Variants in RIC8B observed in about 807,000 individuals in gnomAD.
RIC8B encodes the protein RIC8 guanine nucleotide exchange factor B, also known as chaperone Ric-8B.
Under a neutral mutation model 57.5 loss-of-function variants are expected in RIC8B, and 16 were observed. The ratio of observed to expected loss-of-function variants is 0.28; its 90% CI spans 0.19 to 0.42. RIC8B has a LOEUF of 0.42. Ranked by LOEUF, RIC8B falls within the 10% of genes least tolerant of loss-of-function variation. The pLI is 1.00. For missense variants in RIC8B, 481 were observed against 677.0 expected (o/e 0.71, Z 3.21); for synonymous variants, 216 against 250.8 (o/e 0.86, Z 1.31).
At chr12:106,864,350 G>T (rs146639470) in intron 8 of RIC8B, among the ~76,000 whole-genome samples, 40 of 152,212 alleles carry the variant, frequency 2.6e-4, no homozygotes, top group African/African-American at 9.4e-4. Context: ...GAGGCCTTCT[G>T]TGTTGCCTAT....
intron 9 of RIC8B, chr12:106,878,858 C>T: frequency 5.9e-6 from 2 of 341,122 alleles, no homozygotes; most frequent in Non-Finnish European, 8.3e-6. Flanking sequence ...AATCATAGAA[C>T]AAAATATGTT....
intron 6 of RIC8B, among the ~76,000 whole-genome samples, chr12:106,846,866 A>G (rs1320346294): frequency 6.6e-6 from 1 of 152,208 alleles, no homozygotes. Flanking sequence ...GAAACATGAC[A>G]GGTAAAAAGA....
chr12:106,830,628 T>A (rs1026570759), intron 4 of RIC8B, among the ~76,000 whole-genome samples: 14 of 152,212 alleles, frequency 9.2e-5, no homozygotes, highest in African/African-American at 2.9e-4. Context: ...TAAATGACAG[T>A]CATCTAGGTG....
At chr12:106,810,290 T>TAAA (rs60993772) in intron 2 of RIC8B, among the ~76,000 whole-genome samples, 1 of 122,664 alleles carries the variant, frequency 8.2e-6, no homozygotes, top group East Asian at 2.2e-4. Flanking sequence ...ATACAGCTGG[T>TAAA]AAAAAAAAAA....
Position 106,844,068 on chromosome 12 carries a change from C to T in RIC8B, c.1161+121C>T, listed in dbSNP as rs1949078596. On this transcript the variant is annotated intron_variant, in intron 6 of 9. Transcript: ENST00000392837. ...AGATAATCAGAAACTCAGTCTTAAT[C>T]TTTGAAATCTTCTTAATCAAGAAGT... 7.0e-6 allele frequency: 5 copies of T among 718,354 alleles called. No homozygotes were observed. In the Admixed American group the frequency reaches 1.2e-4, roughly 18 times the overall value. The allele number at this position is 718,354 out of a possible 1,614,324, so 44.5% of individuals were successfully genotyped here. A position where few individuals can be genotyped will look rare whatever the true frequency, so the allele number is the denominator to read the frequency against.
intron 2 of RIC8B, among the ~76,000 whole-genome samples, chr12:106,801,759 G>T (rs1364214449): frequency 2.0e-5 from 3 of 152,092 alleles, no homozygotes; most frequent in African/African-American, 7.2e-5. Flanking sequence ...TTAAAATTCT[G>T]GCAATAAGTC....
chr12:106,783,937 A>G (rs1055269910), intron 1 of RIC8B, 60 bp from the exon 2 acceptor site: 1 of 1,518,208 alleles, frequency 6.6e-7, no homozygotes, highest in Non-Finnish European at 9.1e-7. Context: ...TATTAAACGT[A>G]GCCAAAATTA....
At chr12:106,792,665 CTG>C in intron 2 of RIC8B, among the ~76,000 whole-genome samples, 1 of 152,286 alleles carries the variant, frequency 6.6e-6, no homozygotes, top group South Asian at 2.1e-4. Context: ...GGGCCGGATG[CTG>C]TGTCTCACTC....
In RIC8B at chr12:106,867,997, G is replaced by T. The variant is rs1347713687; in HGVS notation, c.1452-2826G>T. On this transcript the variant is annotated intron_variant, in intron 8 of 9. Coordinates refer to ENST00000392837, the MANE Select transcript of RIC8B (RefSeq NM_001330145.2). This position sits in a 1 kb window ranked among gnomAD's most constrained non-coding sequence, Gnocchi z 4.3. ...TTTATACTCAGATAGCAAGAATTGTGTTACTTTAGTAGCTAATTTCAGAGC... is the reference window on the plus strand; with the variant it reads ...TTTATACTCAGATAGCAAGAATTGTTTTACTTTAGTAGCTAATTTCAGAGC... Among the ~76,000 whole-genome samples the T allele has an allele frequency of 6.6e-6, 1 of 152,146 alleles. No individual in the cohort carries two copies. Among genetic ancestry groups the T allele is most frequent in the East Asian group, 1.9e-4 (1 of 5,204 alleles).
intron 3 of RIC8B, among the ~76,000 whole-genome samples, chr12:106,818,326 C>CCA: frequency 6.6e-6 from 1 of 151,962 alleles, no homozygotes. Context: ...GCCACCATGC[C>CCA]TGGCTAATTT....
intron 3 of RIC8B, among the ~76,000 whole-genome samples, chr12:106,820,088 T>A (rs1400462518): frequency 6.6e-6 from 1 of 152,222 alleles, no homozygotes; most frequent in Admixed American, 6.5e-5. Flanking sequence ...CTTTTTAAAA[T>A]CTTTGCCTGT....
rs557624755 is a variant in RIC8B at position 106,852,674 on chromosome 12, G to T, written c.1306+1080G>T. 3.3e-5 allele frequency among the ~76,000 whole-genome samples: 5 copies of T among 152,268 alleles called. No homozygotes were observed. In the South Asian group the frequency reaches 1.0e-3, roughly 32 times the overall value. ...CCACCTGAGAGCCTTTCAATAACATGTCACACAGTTGCTGAGGGCATGAGC... is the reference window on the plus strand; with the variant it reads ...CCACCTGAGAGCCTTTCAATAACATTTCACACAGTTGCTGAGGGCATGAGC... On this transcript the variant is annotated intron_variant, in intron 7 of 9. Transcript: ENST00000392837.
intron 5 of RIC8B, among the ~76,000 whole-genome samples, chr12:106,843,312 A>G (rs760109835): frequency 6.6e-6 from 1 of 152,216 alleles, no homozygotes; most frequent in Non-Finnish European, 1.5e-5. Context: ...TAGTCCAGTC[A>G]CCAAAATTTT....
chr12:106,848,859 G>A (rs977103739), intron 6 of RIC8B, among the ~76,000 whole-genome samples: 3 of 152,096 alleles, frequency 2.0e-5, no homozygotes, highest in African/African-American at 7.2e-5. Flanking sequence ...AGAAGATGGG[G>A]AGTTATTATT....
intron 2 of RIC8B, among the ~76,000 whole-genome samples, chr12:106,795,496 A>G (rs2044438092): frequency 1.3e-5 from 2 of 152,152 alleles, no homozygotes; most frequent in African/African-American, 2.4e-5. Flanking sequence ...TCTGATTTAC[A>G]TAGGGCTCAC....
At chr12:106,776,567 C>T (rs116716440) in intron 1 of RIC8B, among the ~76,000 whole-genome samples, 2,829 of 152,256 alleles carry the variant, frequency 0.019, 47 homozygotes, top group African/African-American at 0.047. Flanking sequence ...TTCTCCTTCC[C>T]TTTATGGCTA....
At chr12:106,809,522 C>CAAAAAA (rs201411394) in intron 2 of RIC8B, among the ~76,000 whole-genome samples, 17 of 105,572 alleles carry the variant, frequency 1.6e-4, no homozygotes, top group African/African-American at 3.5e-4. Context: ...ACTCTTGTCT[C>CAAAAAA]AAAAAAAAAA....
chr12:106,818,601 C>T (rs1266641961), intron 3 of RIC8B, among the ~76,000 whole-genome samples: 1 of 152,140 alleles, frequency 6.6e-6, no homozygotes, highest in African/African-American at 2.4e-5. Flanking sequence ...GTGCAGGCCA[C>T]CACACTCGGC....
At chr12:106,825,149 T>C (rs1158332675) in intron 3 of RIC8B, among the ~76,000 whole-genome samples, 3 of 152,208 alleles carry the variant, frequency 2.0e-5, no homozygotes, top group African/African-American at 7.2e-5. Context: ...CAGGGCTTAG[T>C]TTATTTCCTA....
Sources: gnomAD v4.1 joint callset for allele counts (sites outside exome capture counted in the v4.1 genomes callset) on GRCh38, gnomAD v4.1.1 for gene constraint, Gnocchi (gnomAD v3.1) non-coding constraint, MANE v1.5 for transcripts, NCBI Gene and HGNC (gene_info 2026-07-23, HGNC 2026-07-21) for gene names.